The following FAM117B variants were observed in gnomAD, a reference collection of about 807,000 sequenced individuals.
FAM117B encodes family with sequence similarity 117 member B.
In FAM117B, 22 loss-of-function variants were observed where a neutral mutation model predicts 52.8. The ratio of observed to expected loss-of-function variants is 0.42; its 90% CI spans 0.30 to 0.59. FAM117B has a LOEUF of 0.59. FAM117B is among the 20% of genes least tolerant of loss of function. The pLI is 0.22. For synonymous variants in FAM117B, 309 were observed against 324.1 expected, an observed-to-expected ratio of 0.95 and a Z score of 0.50; for missense variants, 678 against 802.6, an observed-to-expected ratio of 0.84 and a Z score of 1.88.
In FAM117B at chr2:202,765,656, C is replaced by T. The variant is rs1202336882; in HGVS notation, c.1662C>T (p.Ser554=). Residue 554 remains serine, a synonymous_variant, in exon 8 of 8, where the codon TCC becomes TCT. Transcript: ENST00000392238. ...TTLLQPIAVA[S]LSTNTEQDRV... is the part of the protein sequence containing the mutation. ...TGCTGCAGCCTATTGCTGTGGCCTC[C>T]CTGTCTACAAACACAGAGCAAGACC... is the stretch of plus-strand genomic sequence containing the variant. The T allele has an allele frequency of 6.2e-7, 1 of 1,614,158 alleles. No homozygotes were observed. Among genetic ancestry groups the T allele is most frequent in the South Asian group, 1.1e-5 (1 of 91,082 alleles).
At chr2:202,674,236 A>G (rs559990130) in intron 1 of FAM117B, among the ~76,000 whole-genome samples, 20 of 152,374 alleles carry the variant, frequency 1.3e-4, no homozygotes, top group Admixed American at 7.2e-4. Flanking sequence ...ATATAGCTAT[A>G]TCAAACTCAG....
At chr2:202,763,034 A>T (rs1212156864) in intron 7 of FAM117B, among the ~76,000 whole-genome samples, 1 of 150,380 alleles carries the variant, frequency 6.6e-6, no homozygotes, top group Admixed American at 6.6e-5. Context: ...GTGAAGTTTC[A>T]TCCCAGAGAC....
intron 4 of FAM117B, among the ~76,000 whole-genome samples, chr2:202,754,773 C>G (rs987871945): frequency 3.3e-5 from 5 of 150,134 alleles, no homozygotes; most frequent in Non-Finnish European, 7.4e-5. Context: ...GCCTGTAGTC[C>G]CAGCTACTCA....
chr2:202,729,411 G>C (rs1011015890), intron 4 of FAM117B, among the ~76,000 whole-genome samples: 4 of 152,072 alleles, frequency 2.6e-5, no homozygotes, highest in Non-Finnish European at 5.9e-5. Flanking sequence ...GTTTTGGTGG[G>C]TTCTCTATCT....
At chr2:202,665,015 G>T (rs1690181896) in intron 1 of FAM117B, among the ~76,000 whole-genome samples, 1 of 152,076 alleles carries the variant, frequency 6.6e-6, no homozygotes, top group Non-Finnish European at 1.5e-5. Flanking sequence ...GGAGACTTTG[G>T]TGGGGAAGAA....
At chr2:202,679,721 T>C (rs1690434454) in intron 1 of FAM117B, among the ~76,000 whole-genome samples, 1 of 152,194 alleles carries the variant, frequency 6.6e-6, no homozygotes, top group African/African-American at 2.4e-5. Context: ...ATCAAGTTGA[T>C]GAACAGGTTA....
chr2:202,727,173 G>A (rs988556141), intron 4 of FAM117B, among the ~76,000 whole-genome samples: 1 of 152,110 alleles, frequency 6.6e-6, no homozygotes, highest in Non-Finnish European at 1.5e-5. Context: ...TTGGGAATGA[G>A]GAAGGCTGGA....
chr2:202,696,433 A>G (rs1027850364), intron 2 of FAM117B, among the ~76,000 whole-genome samples: 1 of 152,208 alleles, frequency 6.6e-6, no homozygotes, highest in African/African-American at 2.4e-5. Flanking sequence ...ATTGCAAAAA[A>G]TTCATAATGT....
In FAM117B at chr2:202,659,735, C is replaced by G. The variant is rs570394199; in HGVS notation, c.601+23947C>G. Among the ~76,000 whole-genome samples, 10 of 151,382 alleles carry G rather than the reference C, an allele frequency of 6.6e-5. No homozygotes were observed. In the Admixed American group the frequency reaches 6.6e-4, roughly 10 times the overall value. On this transcript the variant is annotated intron_variant, in intron 1 of 7. Coordinates refer to ENST00000392238, the MANE Select transcript of FAM117B (RefSeq NM_173511.4). ...GTTCAAACGATTCTCCTGCCTCAGC[C>G]TCCCAAGTAGCTGGGATTACAGGCA...
Position 202,741,142 on chromosome 2 carries a change from G to A in FAM117B, c.961-14396G>A, listed in dbSNP as rs186438433. Among the ~76,000 whole-genome samples, 31 of 152,094 alleles carry A rather than the reference G, an allele frequency of 2.0e-4. 1 individual carries two copies. In the South Asian group the frequency reaches 5.0e-3, roughly 24 times the overall value. ...AGAGCCATTAGAATTGGTGATGAACGCCAGGCGCGGTGGCTCATGCCTTAA... is the reference window on the plus strand; with the variant it reads ...AGAGCCATTAGAATTGGTGATGAACACCAGGCGCGGTGGCTCATGCCTTAA... On this transcript the variant is annotated intron_variant, in intron 4 of 7. Coordinates refer to ENST00000392238, the MANE Select transcript of FAM117B (RefSeq NM_173511.4).
rs1691976071 is a variant in FAM117B, at chr2:202,766,099, CACACACA to C, written c.*336_*342del. ...ACACACACACACACACACACACACA[CACACACA>C]CCCCTGATCCTTGCCAACATGATTC... On this transcript the variant is annotated 3_prime_UTR_variant, in exon 8 of 8. Transcript: ENST00000392238. The C allele has an allele frequency of 2.1e-5, 5 of 232,888 alleles. No homozygotes were observed. In the South Asian group the frequency reaches 2.2e-4, roughly 10 times the overall value. 14.4% of individuals were successfully genotyped at this position (232,888 alleles called of 1,614,324 possible).
At chr2:202,758,113 T>C (rs919940992) in intron 6 of FAM117B, among the ~76,000 whole-genome samples, 1 of 152,230 alleles carries the variant, frequency 6.6e-6, no homozygotes, top group African/African-American at 2.4e-5. Context: ...CATTTATTTA[T>C]AAATTCTAAA....
At chr2:202,643,990 G>A (rs548192985) in intron 1 of FAM117B, among the ~76,000 whole-genome samples, 4 of 150,476 alleles carry the variant, frequency 2.7e-5, no homozygotes, top group Non-Finnish European at 4.4e-5. Flanking sequence ...AATTACAGGC[G>A]TGAGCCACCG....
intron 1 of FAM117B, among the ~76,000 whole-genome samples, chr2:202,693,137 A>G (rs1690660841): frequency 1.3e-5 from 2 of 152,210 alleles, no homozygotes; most frequent in Admixed American, 6.5e-5. Context: ...GCATTTTATG[A>G]TTTCAGAAAA....
intron 1 of FAM117B, among the ~76,000 whole-genome samples, chr2:202,682,585 G>A (rs1414578395): frequency 1.3e-5 from 2 of 152,242 alleles, no homozygotes; most frequent in East Asian, 1.9e-4. Flanking sequence ...GAAATATCCC[G>A]CTTCAACAGC....
chr2:202,671,312 A>G (rs375427141), intron 1 of FAM117B, among the ~76,000 whole-genome samples: 17 of 152,366 alleles, frequency 1.1e-4, no homozygotes, highest in African/African-American at 3.6e-4. Flanking sequence ...GCGTGCTTTA[A>G]TAAGTAGTAT....
chr2:202,728,388 A>C (rs536947728), intron 4 of FAM117B, among the ~76,000 whole-genome samples: 1 of 152,376 alleles, frequency 6.6e-6, no homozygotes, highest in African/African-American at 2.4e-5. Flanking sequence ...TATTCTGTAC[A>C]AACTAGATTT....
chr2:202,750,785 C>T (rs1204850509), intron 4 of FAM117B, among the ~76,000 whole-genome samples: 2 of 152,136 alleles, frequency 1.3e-5, no homozygotes, highest in Non-Finnish European at 2.9e-5. Flanking sequence ...GTGTAGCTTG[C>T]TTCTGATATT....
chr2:202,719,688 A>C (rs1486614780), intron 2 of FAM117B, among the ~76,000 whole-genome samples: 2 of 152,118 alleles, frequency 1.3e-5, no homozygotes, highest in Admixed American at 6.6e-5. Context: ...TTATATTCCA[A>C]ATTTTTCAGT....
Sources: allele counts gnomAD v4.1 joint callset (sites outside exome capture counted in the v4.1 genomes callset), GRCh38; gene constraint gnomAD v4.1.1; transcripts MANE v1.5; gene names NCBI Gene and HGNC (gene_info 2026-07-23, HGNC 2026-07-21).